The following GNE variants were observed in gnomAD, a reference collection of about 807,000 sequenced individuals.
GNE encodes the protein glucosamine (UDP-N-acetyl)-2-epimerase/N-acetylmannosamine kinase, also known as bifunctional UDP-N-acetylglucosamine 2-epimerase/N-acetylmannosamine kinase.
GNE carries 41 observed loss-of-function variants against 61.8 expected under a neutral mutation model. The ratio of observed to expected loss-of-function variants is 0.66; its 90% CI spans 0.52 to 0.86. The LOEUF (loss-of-function observed/expected upper bound fraction) is 0.86. Among genes scored for constraint, GNE ranks in the 40% least tolerant of loss-of-function variants. GNE has a pLI of 0.00. For missense variants in GNE, 608 were observed against 909.1 expected (o/e 0.67, Z 4.26); for synonymous variants, 264 against 326.4 (o/e 0.81, Z 2.06).
intron 1 of GNE, chr9:36,265,630 C>G: frequency 3.1e-6 from 1 of 319,770 alleles, no homozygotes; most frequent in Middle Eastern, 9.7e-4. Flanking sequence ...TTACCAGAGT[C>G]TCTAGGGCAG....
chr9:36,239,619 C>A (rs1409113295), intron 3 of GNE, among the ~76,000 whole-genome samples: 1 of 151,970 alleles, frequency 6.6e-6, no homozygotes, highest in Non-Finnish European at 1.5e-5. Flanking sequence ...ACTACAGGTG[C>A]ACATCACCAT....
At chr9:36,236,755 A>G in intron 4 of GNE, 77 bp downstream of exon 4, 1 of 1,218,084 alleles carries the variant, frequency 8.2e-7, no homozygotes, top group South Asian at 1.2e-5. Context: ...GCAAGATAGG[A>G]AGGCAGTTAA....
chr9:36,249,616 C>T (rs534909068), intron 1 of GNE, among the ~76,000 whole-genome samples: 2 of 152,082 alleles, frequency 1.3e-5, no homozygotes, highest in East Asian at 1.9e-4. Context: ...TGGTGGCTTA[C>T]GCCTGTAATC....
At chr9:36,270,644 AG>A (rs1830992064) in intron 1 of GNE, among the ~76,000 whole-genome samples, 1 of 151,626 alleles carries the variant, frequency 6.6e-6, no homozygotes, top group Non-Finnish European at 1.5e-5. Flanking sequence ...CAGCCTCCCG[AG>A]TAGCTGGGAC....
chr9:36,218,380 C>T lies in GNE; in HGVS notation c.1817-81G>A. 3.2e-6 allele frequency: 3 copies of T among 944,434 alleles called. No homozygotes were observed. The highest frequency in any genetic ancestry group is 3.5e-6 in the Non-Finnish European group (2 of 573,928). The allele number at this position is 944,434 out of a possible 1,614,324, so 58.5% of individuals were successfully genotyped here. On this transcript the variant is annotated intron_variant, in intron 10 of 11. Transcript: ENST00000642385. The surrounding 1 kb of genome is among the most constrained non-coding windows in gnomAD (Gnocchi z 4.1). ...CACCACTGGGCCTGTGGAAAGCAAGCCCCTACATGGGAAGACGGTGTTTTC... is the reference window on the plus strand; with the variant it reads ...CACCACTGGGCCTGTGGAAAGCAAGTCCCTACATGGGAAGACGGTGTTTTC...
intron 7 of GNE, among the ~76,000 whole-genome samples, chr9:36,224,904 T>C (rs915335660): frequency 1.3e-5 from 2 of 152,350 alleles, no homozygotes; most frequent in African/African-American, 4.8e-5. Context: ...CTTTTTGATA[T>C]GTTTTAATAC....
chr9:36,226,940 C>T (rs1172125475), intron 7 of GNE, among the ~76,000 whole-genome samples: 2 of 152,228 alleles, frequency 1.3e-5, no homozygotes, highest in Non-Finnish European at 2.9e-5. Flanking sequence ...ATACTCCACA[C>T]TCCAAGCTGT....
chr9:36,233,074 C>A (rs948974297), intron 5 of GNE, among the ~76,000 whole-genome samples: 2 of 152,176 alleles, frequency 1.3e-5, no homozygotes, highest in African/African-American at 4.8e-5. Flanking sequence ...TGGTTCTAGT[C>A]CAGTTCTTTT....
At chr9:36,274,974 T>C (rs568083578) in intron 1 of GNE, among the ~76,000 whole-genome samples, 4 of 152,356 alleles carry the variant, frequency 2.6e-5, no homozygotes, top group African/African-American at 9.6e-5. Context: ...TCCGCCGGAC[T>C]CGGCCTCCCA....
rs970666611 is a variant in GNE at position 36,274,182 on chromosome 9, A to T, written c.51+2712T>A. Among the ~76,000 whole-genome samples, 7 of 151,520 alleles carry T rather than the reference A, an allele frequency of 4.6e-5. 1 individual carries two copies. The South Asian group carries it at 1.0e-3, about 23-fold the overall frequency. ...AGGATCATGGCTCACTGCAGCCTCA[A>T]CTTCCTAGGTTCAAGCTATCCTCTC... On this transcript the variant is annotated intron_variant, in intron 1 of 11. Coordinates refer to the GNE transcript ENST00000396594.
intron 1 of GNE, among the ~76,000 whole-genome samples, chr9:36,250,961 A>G (rs1440115185): frequency 2.0e-5 from 3 of 152,066 alleles, no homozygotes; most frequent in Non-Finnish European, 2.9e-5. Context: ...GATTACAGGC[A>G]AGAGCCATTG....
Position 36,215,996 on chromosome 9 carries a change from A to C in GNE, c.*1369T>G, listed in dbSNP as rs1237923878. The C allele has an allele frequency of 3.6e-6, 1 of 281,410 alleles. No individual in the cohort carries two copies. The highest frequency in any genetic ancestry group is 7.2e-6 in the Non-Finnish European group (1 of 139,794). 17.4% of individuals were successfully genotyped at this position (281,410 alleles called of 1,614,324 possible). A position where few individuals can be genotyped will look rare whatever the true frequency, so the allele number is the denominator to read the frequency against. On this transcript the variant is annotated 3_prime_UTR_variant, in exon 12 of 12. Coordinates refer to ENST00000642385, the MANE Select transcript of GNE (RefSeq NM_005476.7). ...CAGTGGCTTCTCAGCTGTCCTAAGA[A>C]GATAAGGACAAGGTCACTAAGGCCA...
At chr9:36,257,711 G>A (rs2133161855) in intron 1 of GNE, among the ~76,000 whole-genome samples, 1 of 146,224 alleles carries the variant, frequency 6.8e-6, no homozygotes, top group Admixed American at 7.1e-5. Flanking sequence ...GCTGAGGCAG[G>A]AGAATGGCGT....
chr9:36,231,537 G>A (rs893869197), intron 5 of GNE, among the ~76,000 whole-genome samples: 2 of 152,184 alleles, frequency 1.3e-5, no homozygotes, highest in Non-Finnish European at 2.9e-5. Flanking sequence ...TCTGATGGAT[G>A]TGAGAAGAAA....
At chr9:36,266,812 G>C (rs1830811985) in intron 1 of GNE, among the ~76,000 whole-genome samples, 1 of 152,218 alleles carries the variant, frequency 6.6e-6, no homozygotes, top group South Asian at 2.1e-4. Flanking sequence ...GGGAGGCTGA[G>C]GCAGGAGAAT....
chr9:36,233,873 C>A (rs775635848), intron 5 of GNE, 47 bp downstream of exon 5: 1 of 1,364,772 alleles, frequency 7.3e-7, no homozygotes, highest in South Asian at 1.2e-5. Flanking sequence ...TAACAACTCA[C>A]GTATGTATAA....
At chr9:36,220,578 T>C (rs1278637056) in intron 9 of GNE, among the ~76,000 whole-genome samples, 4 of 152,304 alleles carry the variant, frequency 2.6e-5, no homozygotes, top group Non-Finnish European at 5.9e-5. Flanking sequence ...TCTGTTTCAT[T>C]CTTCCCACTC....
chr9:36,231,593 T>C (rs889145789), intron 5 of GNE, among the ~76,000 whole-genome samples: 4 of 152,242 alleles, frequency 2.6e-5, no homozygotes, highest in African/African-American at 9.6e-5. Context: ...AGGCATCTTC[T>C]CTTTTCCTTC....
chr9:36,216,359 G>GTGTGTGTGTGTGTGTGTGTGTGTGT lies in GNE; in HGVS notation c.*1005_*1006insACACACACACACACACACACACACA. On this transcript the variant is annotated 3_prime_UTR_variant, in exon 12 of 12. Transcript: ENST00000642385. ...TGTGTGTGTGTGTGTGTGTGTAGAC[G>GTGTGTGTGTGTGTGTGTGTGTGTGT]GAGTCTCGCTCTGTCACCCAGGGTG... 5.0e-6 allele frequency: 2 copies of GTGTGTGTGTGTGTGTGTGTGTGTGT among 400,522 alleles called. No homozygotes were observed. Among genetic ancestry groups the GTGTGTGTGTGTGTGTGTGTGTGTGT allele is most frequent in the Non-Finnish European group, 1.0e-5 (2 of 190,932 alleles). The allele number at this position is 400,522 out of a possible 1,614,324, so 24.8% of individuals were successfully genotyped here.
Sources: allele counts gnomAD v4.1 joint callset (sites outside exome capture counted in the v4.1 genomes callset), GRCh38; gene constraint gnomAD v4.1.1; non-coding constraint Gnocchi (gnomAD v3.1); transcripts MANE v1.5; gene names NCBI Gene and HGNC (gene_info 2026-07-23, HGNC 2026-07-21).